TOM1L1: variants seen among roughly 807,000 people sequenced by gnomAD.
TOM1L1 encodes the protein TOM1-like protein 1.
Under a neutral mutation model 63.4 loss-of-function variants are expected in TOM1L1, and 64 were observed. The observed-to-expected ratio is 1.01, with a 90% CI of 0.83 to 1.24. TOM1L1 has a LOEUF of 1.24. TOM1L1 is among the 50% of genes most tolerant of loss of function. The probability of loss-of-function intolerance (pLI) is 0.00; values close to 1 mark genes in which losing one functional copy is unlikely to be tolerated. For synonymous variants in TOM1L1, 166 were observed against 194.4 expected, an observed-to-expected ratio of 0.85 and a Z score of 1.22; for missense variants, 536 against 567.0, an observed-to-expected ratio of 0.95 and a Z score of 0.55.
At chr17:54,937,603 G>A (rs572865122) in intron 10 of TOM1L1, 16 of 168,946 alleles carry the variant, frequency 9.5e-5, no homozygotes, top group Middle Eastern at 2.6e-3. Flanking sequence ...TGATGCAAGC[G>A]GAGAAATTCA....
intron 15 of TOM1L1, chr17:54,960,983 C>T (rs1354530484): frequency 1.8e-6 from 1 of 552,028 alleles, no homozygotes; most frequent in Non-Finnish European, 3.2e-6. Context: ...TACCGTTAGT[C>T]CTCCAAATAG....
intron 11 of TOM1L1, among the ~76,000 whole-genome samples, chr17:54,945,505 G>T (rs12936375): frequency 0.29 from 44,705 of 151,874 alleles, 6,900 homozygotes; most frequent in African/African-American, 0.35. Flanking sequence ...TGACACAAAT[G>T]TTGACCTGTG....
At chr17:54,934,994 A>G (rs888180251) in intron 8 of TOM1L1, among the ~76,000 whole-genome samples, 2 of 152,232 alleles carry the variant, frequency 1.3e-5, no homozygotes, top group African/African-American at 4.8e-5. Context: ...CTGGGATTAC[A>G]GGCATGAGCC....
chr17:54,937,243 G>A lies in TOM1L1; in HGVS notation c.1033+17G>A. The A allele has an allele frequency of 1.3e-6, 2 of 1,558,302 alleles. No individual in the cohort carries two copies. Among genetic ancestry groups the A allele is most frequent in the Non-Finnish European group, 1.8e-6 (2 of 1,129,602 alleles). Reference sequence around the variant, plus strand: ...CAGGCTTAAGTAAATAAACACTCAGGTCTTTTCAGACCAGCAGAAGAGCTT... The same window carrying A: ...CAGGCTTAAGTAAATAAACACTCAGATCTTTTCAGACCAGCAGAAGAGCTT... On this transcript the variant is annotated intron_variant, in intron 10 of 15. Transcript: ENST00000575882.
rs748142439 is a variant in TOM1L1 at position 54,912,639 on chromosome 17, T to G, written c.223-27T>G. The stretch of plus-strand genomic sequence containing the variant: ...AGGAGGTGGTTTTGCCAGATAAATA[T>G]AATGTTTAATTTTTTTTCTAATTTA... On this transcript the variant is annotated intron_variant, in intron 3 of 15. Transcript: ENST00000575882. 2.0e-6 allele frequency: 3 copies of G among 1,494,986 alleles called. No homozygotes were observed. The East Asian group carries it at 7.5e-5, about 37-fold the overall frequency. The allele number at this position is 1,494,986 out of a possible 1,614,324, so 92.6% of individuals were successfully genotyped here. A position where few individuals can be genotyped will look rare whatever the true frequency, so the allele number is the denominator to read the frequency against.
chr17:54,902,755 G>A (rs1018677997), intron 1 of TOM1L1, among the ~76,000 whole-genome samples: 12 of 152,146 alleles, frequency 7.9e-5, no homozygotes, highest in Admixed American at 3.9e-4. Flanking sequence ...GAAGATGTTA[G>A]CGCATTCATA....
intron 7 of TOM1L1, among the ~76,000 whole-genome samples, chr17:54,918,657 C>G (rs554205253): frequency 6.6e-6 from 1 of 152,286 alleles, no homozygotes; most frequent in South Asian, 2.1e-4. Flanking sequence ...ATGACAGATT[C>G]TCAGGAAGCA....
chr17:54,938,733 ATTTCTC>A (rs2048990582), intron 10 of TOM1L1, 185 bp from the exon 11 acceptor site: 1 of 456,798 alleles, frequency 2.2e-6, no homozygotes, highest in South Asian at 4.1e-5. Context: ...ATGCTTTTTA[ATTTCTC>A]TTAGAGCTAG....
At chr17:54,942,531 C>G (rs74976941) in intron 11 of TOM1L1, 1 of 152,254 alleles carries the variant, frequency 6.6e-6, no homozygotes, top group African/African-American at 2.4e-5. Context: ...CAAGAGGAAA[C>G]CAAGGCTGAG....
At chr17:54,914,047 G>A (rs2048543251) in intron 5 of TOM1L1, among the ~76,000 whole-genome samples, 174 bp downstream of exon 5, 1 of 152,150 alleles carries the variant, frequency 6.6e-6, no homozygotes, top group African/African-American at 2.4e-5. Context: ...TACTTAAAGT[G>A]TGTTTTGCTA....
At chr17:54,902,162 AAC>A (rs2048337205) in intron 1 of TOM1L1, among the ~76,000 whole-genome samples, 1 of 152,306 alleles carries the variant, frequency 6.6e-6, no homozygotes, top group African/African-American at 2.4e-5. Flanking sequence ...GAAAATGCAA[AAC>A]ACACAAAACT....
chr17:54,959,921 AT>A (rs1229398130), intron 14 of TOM1L1, among the ~76,000 whole-genome samples: 10 of 152,090 alleles, frequency 6.6e-5, no homozygotes, highest in African/African-American at 1.4e-4. Flanking sequence ...TTGTCCTAAT[AT>A]TTTTTTAAAA....
intron 14 of TOM1L1, among the ~76,000 whole-genome samples, chr17:54,951,251 G>A (rs942449322): frequency 6.6e-6 from 1 of 152,252 alleles, no homozygotes; most frequent in African/African-American, 2.4e-5. Flanking sequence ...GAGATGCACA[G>A]GGCGAGGCAT....
intron 7 of TOM1L1, among the ~76,000 whole-genome samples, chr17:54,925,764 C>T (rs542223981): frequency 1.7e-4 from 26 of 152,014 alleles, no homozygotes; most frequent in Non-Finnish European, 2.9e-4. Context: ...ATCAGCTGGG[C>T]GTGGTGGCAC....
intron 6 of TOM1L1, 76 bp from the exon 7 acceptor site, chr17:54,915,670 T>C (rs2048575082): frequency 1.0e-6 from 1 of 993,228 alleles, no homozygotes; most frequent in East Asian, 2.8e-5. Flanking sequence ...ATCCAGCAAA[T>C]GTCCCATGGG....
At chr17:54,932,243 G>A (rs1261984705) in intron 8 of TOM1L1, among the ~76,000 whole-genome samples, 1 of 152,172 alleles carries the variant, frequency 6.6e-6, no homozygotes. Flanking sequence ...GTGCGTGTGA[G>A]AGGGTCGTGA....
In TOM1L1 at chr17:54,914,637, A is replaced by C. The variant is rs2048557027; in HGVS notation, c.499-2A>C. The C allele has an allele frequency of 6.2e-7, 1 of 1,610,232 alleles. No individual in the cohort carries two copies. The highest frequency in any genetic ancestry group is 8.5e-7 in the Non-Finnish European group (1 of 1,176,862). ...TAATATTACCATGTTTCATACTCAT[A>C]GACTGCTCAAATCTCATCAAATCCT... On this transcript the variant is annotated splice_acceptor_variant, in intron 5 of 15. Transcript: ENST00000575882. LOFTEE classifies it high-confidence loss of function.
At chr17:54,944,587 T>C (rs1319218832) in intron 11 of TOM1L1, among the ~76,000 whole-genome samples, 1 of 152,246 alleles carries the variant, frequency 6.6e-6, no homozygotes, top group Non-Finnish European at 1.5e-5. Context: ...TTAAAGCAGG[T>C]CTATTGACAG....
intron 3 of TOM1L1, among the ~76,000 whole-genome samples, 185 bp from the exon 4 acceptor site, chr17:54,912,481 T>G (rs2048512655): frequency 6.6e-6 from 1 of 152,236 alleles, no homozygotes; most frequent in South Asian, 2.1e-4. Flanking sequence ...TCCAGACTGT[T>G]ACATTATGCT....
Sources: gnomAD v4.1 joint callset for allele counts (sites outside exome capture counted in the v4.1 genomes callset) on GRCh38, gnomAD v4.1.1 for gene constraint, MANE v1.5 for transcripts, NCBI Gene and HGNC (gene_info 2026-07-23, HGNC 2026-07-21) for gene names.